Variants in NAALADL2 observed in about 807,000 individuals in gnomAD.
NAALADL2 encodes the protein inactive N-acetylated-alpha-linked acidic dipeptidase-like protein 2.
A neutral mutation model predicts 87.2 loss-of-function variants in NAALADL2; 76 were observed. The observed-to-expected ratio is 0.87, with a 90% CI of 0.72 to 1.05. The LOEUF (loss-of-function observed/expected upper bound fraction) is 1.05, where lower values mean the gene tolerates loss of function less well. Ranked by LOEUF, NAALADL2 falls within the 50% of genes least tolerant of loss-of-function variation. NAALADL2 has a pLI of 0.00. For missense variants in NAALADL2, 1,089 were observed against 945.8 expected (o/e 1.15, Z -1.99); for synonymous variants, 354 against 331.0 (o/e 1.07, Z -0.75).
At chr3:175,544,183 T>C (rs909516961) in intron 9 of NAALADL2, among the ~76,000 whole-genome samples, 4 of 152,178 alleles carry the variant, frequency 2.6e-5, no homozygotes, top group African/African-American at 9.7e-5. Context: ...GTAATAACTT[T>C]ATAATTGCTA....
intron 1 of NAALADL2, among the ~76,000 whole-genome samples, chr3:174,485,390 CACCCAGGTATTAAGCCTAGT>C (rs1717789658): frequency 2.0e-5 from 3 of 149,392 alleles, no homozygotes; most frequent in African/African-American, 7.5e-5. Flanking sequence ...ATTATTTTGT[CACCCAGGTATTAAGCCTAGT>C]ACCCATTATT....
rs115184113 is a variant in NAALADL2 at position 175,144,084 on chromosome 3, A to G, written c.545+46793A>G. On this transcript the variant is annotated intron_variant, in intron 2 of 13. Coordinates refer to ENST00000454872, the MANE Select transcript of NAALADL2 (RefSeq NM_207015.3). ...TTTAAAAGAATAATAAAAATATTCT[A>G]TGTTGGGGCTATTTTTTAAAGATTA... is the stretch of plus-strand genomic sequence containing the variant. Among the ~76,000 whole-genome samples, 732 of 152,090 alleles carry G rather than the reference A, an allele frequency of 4.8e-3. 3 individuals are homozygous for G. Among genetic ancestry groups the G allele is most frequent in the African/African-American group, 0.012 (503 of 41,556 alleles).
chr3:175,147,148 G>C (rs2108759874), intron 2 of NAALADL2, among the ~76,000 whole-genome samples: 1 of 152,268 alleles, frequency 6.6e-6, no homozygotes, highest in South Asian at 2.1e-4. Context: ...TTGTTACATA[G>C]ATATATTGCA....
At chr3:174,600,378 T>C (rs1285972605) in intron 2 of NAALADL2, among the ~76,000 whole-genome samples, 1 of 152,118 alleles carries the variant, frequency 6.6e-6, no homozygotes, top group African/African-American at 2.4e-5. Flanking sequence ...GTTGGCCAAA[T>C]TACTGTTTAC....
At chr3:174,673,014 G>A (rs613186) in intron 2 of NAALADL2, among the ~76,000 whole-genome samples, 2 of 151,914 alleles carry the variant, frequency 1.3e-5, no homozygotes, top group African/African-American at 2.4e-5. Context: ...CTTTGGCTGC[G>A]GTGTTGATTA....
intron 9 of NAALADL2, among the ~76,000 whole-genome samples, chr3:175,534,678 C>G (rs1370845968): frequency 6.7e-6 from 1 of 149,710 alleles, no homozygotes; most frequent in Non-Finnish European, 1.5e-5. Context: ...TTCCAATTAA[C>G]AGAAAACACA....
intron 13 of NAALADL2, among the ~76,000 whole-genome samples, chr3:175,773,965 A>T (rs774115926): frequency 9.9e-5 from 15 of 152,076 alleles, no homozygotes; most frequent in Non-Finnish European, 7.4e-5. Context: ...ATTGTAAATT[A>T]TATTATTTAT....
intron 2 of NAALADL2, among the ~76,000 whole-genome samples, chr3:175,127,583 A>G (rs1045246664): frequency 2.6e-5 from 4 of 152,182 alleles, no homozygotes; most frequent in Non-Finnish European, 4.4e-5. Context: ...CAGTTAAACT[A>G]TCATCTTAAT....
chr3:174,930,613 A>ATTTTTTTTTTTTTTTTTTT (rs1188907600), intron 1 of NAALADL2, among the ~76,000 whole-genome samples: 4 of 99,766 alleles, frequency 4.0e-5, no homozygotes, highest in East Asian at 3.6e-4. Flanking sequence ...AATAAGATGA[A>ATTTTTTTTTTTTTTTTTTT]CTTTTTTTTT....
intron 10 of NAALADL2, among the ~76,000 whole-genome samples, chr3:175,576,572 T>C (rs929804044): frequency 1.3e-5 from 2 of 152,212 alleles, no homozygotes; most frequent in African/African-American, 4.8e-5. Flanking sequence ...TGTATGTTAA[T>C]GTGAGCCTTG....
At chr3:175,427,630 G>T (rs573014060) in intron 5 of NAALADL2, among the ~76,000 whole-genome samples, 44 of 152,186 alleles carry the variant, frequency 2.9e-4, no homozygotes, top group Admixed American at 1.6e-3. Context: ...AAATGTTTTT[G>T]TTTCTCTCTG....
chr3:175,203,644 T>C (rs972381063), intron 2 of NAALADL2, among the ~76,000 whole-genome samples: 2 of 152,180 alleles, frequency 1.3e-5, no homozygotes, highest in African/African-American at 4.8e-5. Flanking sequence ...AATCTAGTCC[T>C]GCCTCCTGTC....
intron 2 of NAALADL2, among the ~76,000 whole-genome samples, chr3:175,103,257 T>C (rs1722543949): frequency 6.6e-6 from 1 of 152,182 alleles, no homozygotes; most frequent in Non-Finnish European, 1.5e-5. Context: ...AAGTCTCGTT[T>C]GTTTTCTGTT....
chr3:175,710,293 T>C (rs533369453), intron 11 of NAALADL2, among the ~76,000 whole-genome samples: 2 of 152,100 alleles, frequency 1.3e-5, no homozygotes, highest in African/African-American at 4.8e-5. Context: ...TGTCAGACAG[T>C]TGAGACATCT....
chr3:175,287,489 A>C (rs1230944181), intron 4 of NAALADL2, among the ~76,000 whole-genome samples: 1 of 152,214 alleles, frequency 6.6e-6, no homozygotes, highest in South Asian at 2.1e-4. Flanking sequence ...AAGGAGGTAC[A>C]GTGAGCTTTA....
chr3:175,584,999 A>T (rs1720336083), intron 10 of NAALADL2, among the ~76,000 whole-genome samples: 3 of 152,078 alleles, frequency 2.0e-5, no homozygotes, highest in Admixed American at 2.0e-4. Context: ...AGTTTACTGT[A>T]ACTTTTTTAC....
intron 9 of NAALADL2, among the ~76,000 whole-genome samples, chr3:175,520,450 C>T (rs935682030): frequency 2.6e-5 from 4 of 151,686 alleles, no homozygotes; most frequent in Non-Finnish European, 4.4e-5. Context: ...AGGCGCCCGC[C>T]ACCGCGCCCG....
chr3:175,240,024 A>G (rs1746562388), intron 3 of NAALADL2, among the ~76,000 whole-genome samples: 1 of 152,228 alleles, frequency 6.6e-6, no homozygotes, highest in Admixed American at 6.5e-5. Context: ...ACAAACTTTT[A>G]TTATATTTAT....
intron 2 of NAALADL2, among the ~76,000 whole-genome samples, chr3:174,710,959 T>C (rs915889515): frequency 7.9e-5 from 12 of 152,144 alleles, no homozygotes; most frequent in Non-Finnish European, 1.5e-4. Context: ...CCACTGTTTG[T>C]GGTAATTTGT....
Sources: gnomAD v4.1 joint callset for allele counts (sites outside exome capture counted in the v4.1 genomes callset) on GRCh38, gnomAD v4.1.1 for gene constraint, MANE v1.5 for transcripts, NCBI Gene and HGNC (gene_info 2026-07-23, HGNC 2026-07-21) for gene names.